The following ABHD2 variants were observed in gnomAD, a reference collection of about 807,000 sequenced individuals.
The protein encoded by ABHD2 is monoacylglycerol lipase ABHD2.
Under a neutral mutation model 48.1 loss-of-function variants are expected in ABHD2, and 20 were observed. That is an observed-to-expected ratio of 0.42 (90% CI 0.29 to 0.60). ABHD2 has a LOEUF of 0.60. ABHD2 is among the 20% of genes least tolerant of loss of function. The pLI, the probability that ABHD2 is intolerant of heterozygous loss-of-function variation, is 0.24. For synonymous variants in ABHD2, 209 were observed against 214.2 expected (o/e 0.98, Z 0.21); for missense variants, 405 against 550.9 (o/e 0.74, Z 2.65).
the ABHD2 span, among the ~76,000 whole-genome samples, chr15:89,047,302 G>C: frequency 2.0e-5 from 3 of 150,306 alleles, no homozygotes; most frequent in East Asian, 5.9e-4. Context: ...TTGCTGAGGA[G>C]AGCTTTACTT....
chr15:89,195,483 C>A lies in ABHD2; in HGVS notation c.*60C>A. 1 of 1,547,978 alleles carries A rather than the reference C, an allele frequency of 6.5e-7. No homozygotes were observed. Among genetic ancestry groups the A allele is most frequent in the Non-Finnish European group, 8.7e-7 (1 of 1,147,282 alleles). ...CTCTGGAAGCTGCGTCCCCTCACCC[C>A]CTGTTTCAGGTCTCCCATCTCCCTC... On this transcript the variant is annotated 3_prime_UTR_variant, in exon 11 of 11. Transcript: ENST00000352732. This position sits in a 1 kb window ranked among gnomAD's most constrained non-coding sequence, Gnocchi z 5.1.
At chr15:89,099,012 G>C (rs958196319) in intron 1 of ABHD2, among the ~76,000 whole-genome samples, 13 of 152,170 alleles carry the variant, frequency 8.5e-5, no homozygotes, top group African/African-American at 3.1e-4. Context: ...TTGCTTCTCT[G>C]TATTCCTAGA....
At position 89,167,030 on chromosome 15, in the gene ABHD2, AT is replaced by A. The variant is rs1462098573; in HGVS notation, c.539-8780del. 6.6e-6 allele frequency among the ~76,000 whole-genome samples: 1 copy of A among 152,198 alleles called. No individual in the cohort carries two copies. The highest frequency in any genetic ancestry group is 1.5e-5 in the Non-Finnish European group (1 of 68,034). On this transcript the variant is annotated intron_variant, in intron 5 of 10. Transcript: ENST00000352732. The surrounding 1 kb of genome is among the most constrained non-coding windows in gnomAD (Gnocchi z 5.5). ...ATTAATAACTGCATCAGAACAATAC[AT>A]TCCAGGACCCTCTTGGAGAGACTAG...
At position 89,121,975 on chromosome 15, in the gene ABHD2, C is replaced by A. The variant is rs1284646482; in HGVS notation, c.194+5454C>A. On this transcript the variant is annotated intron_variant, in intron 3 of 10. Transcript: ENST00000352732. ...CCAAGTAGCTGGGACTACAGGTGGGCACCACAACACCCAGCTAATTTTTAA... is the reference window on the plus strand; with the variant it reads ...CCAAGTAGCTGGGACTACAGGTGGGAACCACAACACCCAGCTAATTTTTAA... Among the ~76,000 whole-genome samples the A allele has an allele frequency of 2.6e-5, 4 of 152,136 alleles. No individual in the cohort carries two copies. The East Asian group carries it at 7.7e-4, about 29-fold the overall frequency.
At chr15:89,163,820 C>T (rs937032777) in intron 5 of ABHD2, among the ~76,000 whole-genome samples, 5 of 152,194 alleles carry the variant, frequency 3.3e-5, no homozygotes, top group Non-Finnish European at 7.3e-5. Flanking sequence ...CAGTCACACC[C>T]CTTTTACAGG....
At chr15:89,076,999 T>G in the ABHD2 span, among the ~76,000 whole-genome samples, 1 of 152,212 alleles carries the variant, frequency 6.6e-6, no homozygotes, top group Non-Finnish European at 1.5e-5. Flanking sequence ...TTCTTGTTTT[T>G]TAGTACTTTT....
Position 89,176,929 on chromosome 15 carries a change from A to G in ABHD2, c.722+934A>G, listed in dbSNP as rs560331103. Reference sequence around the variant, plus strand: ...CCTGTATATCTCATGCTGCAGTTTAAACATACCTTGTTACTTTCTGATGGA... The same window carrying G: ...CCTGTATATCTCATGCTGCAGTTTAGACATACCTTGTTACTTTCTGATGGA... On this transcript the variant is annotated intron_variant, in intron 6 of 10. Transcript: ENST00000352732. This position sits in a 1 kb window ranked among gnomAD's most constrained non-coding sequence, Gnocchi z 4.5. Among the ~76,000 whole-genome samples the G allele has an allele frequency of 3.1e-4, 47 of 152,306 alleles. No homozygotes were observed. The highest frequency in any genetic ancestry group is 1.1e-3 in the African/African-American group (45 of 41,574).
At position 89,104,124 on chromosome 15, in the gene ABHD2, T is replaced by C. The variant is rs2049745185; in HGVS notation, c.-106-9601T>C. The C allele has an allele frequency of 6.6e-6, 1 of 152,218 alleles. No individual in the cohort carries two copies. The highest frequency in any genetic ancestry group is 2.4e-5 in the African/African-American group (1 of 41,448). The allele number at this position is 152,218 out of a possible 1,614,324, so 9.4% of individuals were successfully genotyped here. On this transcript the variant is annotated intron_variant, in intron 1 of 10. Transcript: ENST00000352732. The surrounding 1 kb of genome is among the most constrained non-coding windows in gnomAD (Gnocchi z 4.4). Reference sequence around the variant, plus strand: ...GTACTGTTGCCCCCAGAACCTTCTCTTGGTCTTGGAGGGCAAGGATCACAG... The same window carrying C: ...GTACTGTTGCCCCCAGAACCTTCTCCTGGTCTTGGAGGGCAAGGATCACAG...
rs139131926 is a variant in ABHD2, at chr15:89,107,015, A to G, written c.-106-6710A>G. Among the ~76,000 whole-genome samples, 287 of 152,212 alleles carry G rather than the reference A, an allele frequency of 1.9e-3. 4 individuals carry two copies. Among genetic ancestry groups the G allele is most frequent in the African/African-American group, 6.5e-3 (272 of 41,538 alleles). On this transcript the variant is annotated intron_variant, in intron 1 of 10. Transcript: ENST00000352732. ...CCTTCTCCTGACATCCTCACAGGGT[A>G]CTTTGGGGGACAAAGTTTTATCTCA...
rs576023023 is a variant in ABHD2 at position 89,117,744 on chromosome 15, T to G, written c.194+1223T>G. Among the ~76,000 whole-genome samples, 67 of 152,340 alleles carry G rather than the reference T, an allele frequency of 4.4e-4. 1 individual carries two copies. Among genetic ancestry groups the G allele is most frequent in the African/African-American group, 1.6e-3 (65 of 41,580 alleles). ...ACCTCTCATCACCTCTTTTGGCTGT[T>G]GGGGACACTGGGTGAATGATTCTCT... On this transcript the variant is annotated intron_variant, in intron 3 of 10. Transcript: ENST00000352732.
At chr15:89,107,175 G>C (rs2049799548) in intron 1 of ABHD2, among the ~76,000 whole-genome samples, 1 of 152,166 alleles carries the variant, frequency 6.6e-6, no homozygotes, top group African/African-American at 2.4e-5. Flanking sequence ...AGGGGTTCCA[G>C]CTGTGCACTG....
chr15:89,066,380 A>G, the ABHD2 span, among the ~76,000 whole-genome samples: 1 of 152,034 alleles, frequency 6.6e-6, no homozygotes, highest in African/African-American at 2.4e-5. Flanking sequence ...TTCCCTGTGT[A>G]TCTCTCCGTA....
At chr15:89,052,582 A>G in the ABHD2 span, among the ~76,000 whole-genome samples, 1 of 138,212 alleles carries the variant, frequency 7.2e-6, no homozygotes, top group South Asian at 2.5e-4. Context: ...CACACACACG[A>G]CACACACACA....
Position 89,201,805 on chromosome 15 carries a change from G to A in ABHD2, c.*6382G>A, listed in dbSNP as rs2051468321. On this transcript the variant is annotated 3_prime_UTR_variant, in exon 11 of 11. Transcript: ENST00000352732. ...GTGGCCCCGGAGGCAGACGCCATTG[G>A]AGAGACAGCGCAGAGCAGGGGGCGG... The A allele has an allele frequency of 7.4e-7, 1 of 1,358,312 alleles. No individual in the cohort carries two copies. Among genetic ancestry groups the A allele is most frequent in the Non-Finnish European group, 1.0e-6 (1 of 953,898 alleles). 84.1% of individuals were successfully genotyped at this position (1,358,312 alleles called of 1,614,324 possible). A position where few individuals can be genotyped will look rare whatever the true frequency, so the allele number is the denominator to read the frequency against.
At chr15:89,148,067 C>G (rs2050525258) in intron 3 of ABHD2, among the ~76,000 whole-genome samples, 1 of 144,826 alleles carries the variant, frequency 6.9e-6, no homozygotes, top group South Asian at 2.2e-4. Context: ...AGCAGTGAGC[C>G]GAGATCGCTC....
chr15:89,160,396 A>G (rs1041850741), intron 5 of ABHD2, among the ~76,000 whole-genome samples: 3 of 151,742 alleles, frequency 2.0e-5, no homozygotes, highest in Admixed American at 1.3e-4. Context: ...ACTGTTCTCA[A>G]TTTTTAATTA....
Position 89,102,966 on chromosome 15 carries a change from G to C in ABHD2, c.-106-10759G>C, listed in dbSNP as rs1414337489. Among the ~76,000 whole-genome samples the C allele has an allele frequency of 1.3e-5, 2 of 152,236 alleles. No individual in the cohort carries two copies. Among genetic ancestry groups the C allele is most frequent in the African/African-American group, 4.8e-5 (2 of 41,474 alleles). On this transcript the variant is annotated intron_variant, in intron 1 of 10. Coordinates refer to ENST00000352732, the MANE Select transcript of ABHD2 (RefSeq NM_152924.5). This position sits in a 1 kb window ranked among gnomAD's most constrained non-coding sequence, Gnocchi z 4.8. ...TGGGAGGCAGGAGGAGTGAGCCTTG[G>C]AACAATAGTGGAGTGTTTGTGGTGG...
intron 3 of ABHD2, among the ~76,000 whole-genome samples, chr15:89,134,638 G>C (rs1327630068): frequency 1.3e-5 from 2 of 152,058 alleles, no homozygotes; most frequent in Non-Finnish European, 2.9e-5. Flanking sequence ...ACTTTAGAAT[G>C]CTTGTTTAAT....
rs1224922748 is a variant in ABHD2 at position 89,166,079 on chromosome 15, A to G, written c.539-9733A>G. Among the ~76,000 whole-genome samples, 3 of 152,252 alleles carry G rather than the reference A, an allele frequency of 2.0e-5. No homozygotes were observed. The highest frequency in any genetic ancestry group is 4.4e-5 in the Non-Finnish European group (3 of 68,044). On this transcript the variant is annotated intron_variant, in intron 5 of 10. Transcript: ENST00000352732. The surrounding 1 kb of genome is among the most constrained non-coding windows in gnomAD (Gnocchi z 4.6). The stretch of plus-strand genomic sequence containing the variant: ...TTTTATCACCAGAAAATCAAGAGCC[A>G]AGTAACAAAGGATCTTATTAGTTTG...
Sources: allele counts gnomAD v4.1 joint callset (sites outside exome capture counted in the v4.1 genomes callset), GRCh38; gene constraint gnomAD v4.1.1; non-coding constraint Gnocchi (gnomAD v3.1); transcripts MANE v1.5; gene names NCBI Gene and HGNC (gene_info 2026-07-23, HGNC 2026-07-21).